DISC1: variants seen among roughly 807,000 people sequenced by gnomAD.
The protein encoded by DISC1 is disrupted in schizophrenia 1 protein.
DISC1 carries 57 observed loss-of-function variants against 84.5 expected under a neutral mutation model. The observed-to-expected ratio is 0.67, with a 90% CI of 0.55 to 0.84. DISC1 has a LOEUF of 0.84. Among genes scored for constraint, DISC1 ranks in the 40% least tolerant of loss-of-function variants. The pLI, the probability that DISC1 is intolerant of heterozygous loss-of-function variation, is 0.00. For synonymous variants in DISC1, 411 were observed against 415.2 expected (o/e 0.99, Z 0.12); for missense variants, 1,000 against 1,057.8 (o/e 0.95, Z 0.76).
chr1:231,767,364 G>A lies in DISC1; in HGVS notation c.1398+95G>A, dbSNP rs2076244392. On this transcript the variant is annotated intron_variant, in intron 5 of 12. Transcript: ENST00000439617. ...GTTGCCTAGGTTGGAGGGCAGTGGT[G>A]CAATCATAGCTCATTGCAGCCTTGA... 4.6e-6 allele frequency: 7 copies of A among 1,522,532 alleles called. No homozygotes were observed. The East Asian group carries it at 7.3e-5, about 16-fold the overall frequency. The allele number at this position is 1,522,532 out of a possible 1,614,324, so 94.3% of individuals were successfully genotyped here. A position where few individuals can be genotyped will look rare whatever the true frequency, so the allele number is the denominator to read the frequency against.
At chr1:231,857,336 A>G (rs1383354790) in intron 9 of DISC1, among the ~76,000 whole-genome samples, 3 of 152,220 alleles carry the variant, frequency 2.0e-5, no homozygotes, top group Admixed American at 1.3e-4. Flanking sequence ...ATGTGTTGAC[A>G]TGGATAGCCT....
At chr1:231,735,886 C>G (rs2072422161) in intron 3 of DISC1, among the ~76,000 whole-genome samples, 2 of 152,282 alleles carry the variant, frequency 1.3e-5, no homozygotes, top group Middle Eastern at 3.4e-3. Context: ...GATATCGGCT[C>G]ACTGCAACCT....
At chr1:232,006,487 C>T (rs1339181682) in intron 10 of DISC1, among the ~76,000 whole-genome samples, 2 of 152,100 alleles carry the variant, frequency 1.3e-5, no homozygotes, top group Non-Finnish European at 2.9e-5. Context: ...CCCTAGAGAT[C>T]TCGGGAACTT....
chr1:231,923,028 A>G (rs1215165549), intron 9 of DISC1, among the ~76,000 whole-genome samples: 2 of 152,156 alleles, frequency 1.3e-5, no homozygotes, highest in East Asian at 3.9e-4. Flanking sequence ...CTGCAATCCC[A>G]GCACTGTGGG....
chr1:231,807,822 G>A (rs1300553494), intron 8 of DISC1, among the ~76,000 whole-genome samples: 1 of 152,114 alleles, frequency 6.6e-6, no homozygotes, highest in Non-Finnish European at 1.5e-5. Flanking sequence ...TGCTATTTTG[G>A]CACAAGATGA....
rs750705010 is a variant in DISC1, at chr1:231,694,102, C to T, written c.344C>T (p.Ser115Leu). The T allele has an allele frequency of 1.4e-5, 23 of 1,614,046 alleles. No individual in the cohort carries two copies. Among genetic ancestry groups the T allele is most frequent in the African/African-American group, 4.0e-5 (3 of 74,918 alleles). ...ACTGTGACCTCTGTGAGAGGAACCTCGGCGCACTTTGGGATTCAGCTCAGA... is the reference window on the plus strand; with the variant it reads ...ACTGTGACCTCTGTGAGAGGAACCTTGGCGCACTTTGGGATTCAGCTCAGA... ...APTVTSVRGT[S>L]AHFGIQLRGG... Residue 115 changes from serine (S) to leucine (L), a missense_variant, in exon 2 of 13, where the codon TCG becomes TTG. Coordinates refer to ENST00000439617, the MANE Select transcript of DISC1 (RefSeq NM_018662.3).
intron 1 of DISC1, among the ~76,000 whole-genome samples, chr1:231,677,586 T>C (rs1394366787): frequency 6.6e-6 from 1 of 152,256 alleles, no homozygotes; most frequent in Non-Finnish European, 1.5e-5. Context: ...CCTTTCAGGG[T>C]ATGGGGATTA....
intron 2 of DISC1, among the ~76,000 whole-genome samples, chr1:231,699,104 T>C (rs185662843): frequency 3.3e-4 from 50 of 152,192 alleles, no homozygotes; most frequent in African/African-American, 1.1e-3. Context: ...GAACATATGA[T>C]CCCCTTAGTC....
intron 1 of DISC1, among the ~76,000 whole-genome samples, chr1:231,692,936 A>G (rs950938324): frequency 6.6e-6 from 1 of 152,248 alleles, no homozygotes; most frequent in African/African-American, 2.4e-5. Flanking sequence ...TATGCAATCT[A>G]AAAATAATAA....
chr1:231,825,798 C>T (rs184144153), intron 9 of DISC1, among the ~76,000 whole-genome samples: 32 of 152,220 alleles, frequency 2.1e-4, no homozygotes, highest in African/African-American at 6.0e-4. Context: ...ATCATTAGAA[C>T]TTGCCTGGAA....
chr1:231,769,742 T>TA (rs2076414530), intron 5 of DISC1, among the ~76,000 whole-genome samples: 2 of 152,300 alleles, frequency 1.3e-5, no homozygotes, highest in Non-Finnish European at 2.9e-5. Flanking sequence ...ACTCTACACT[T>TA]AAAAATGCTC....
chr1:231,863,918 G>A (rs1286636860), intron 9 of DISC1, among the ~76,000 whole-genome samples: 1 of 151,988 alleles, frequency 6.6e-6, no homozygotes, highest in Non-Finnish European at 1.5e-5. Flanking sequence ...TTTTCTTGGA[G>A]GAAATCACTG....
At chr1:231,638,365 G>T (rs2059363505) in intron 1 of DISC1, among the ~76,000 whole-genome samples, 1 of 151,998 alleles carries the variant, frequency 6.6e-6, no homozygotes, top group Admixed American at 6.6e-5. Context: ...TTTTGTTGTT[G>T]TTGTTGTTGC....
chr1:231,926,447 T>C (rs2090363630), intron 9 of DISC1, among the ~76,000 whole-genome samples: 1 of 152,228 alleles, frequency 6.6e-6, no homozygotes, highest in Admixed American at 6.5e-5. Context: ...ACAAAGGCTC[T>C]TCCCAGAAGC....
intron 4 of DISC1, 95 bp from the exon 5 acceptor site, chr1:231,767,045 G>A: frequency 6.5e-7 from 1 of 1,538,992 alleles, no homozygotes; most frequent in Non-Finnish European, 8.9e-7. Flanking sequence ...AACAGATGGG[G>A]GCCACTTGCT....
chr1:231,760,134 A>G (rs1173582021), intron 4 of DISC1, among the ~76,000 whole-genome samples: 1 of 152,200 alleles, frequency 6.6e-6, no homozygotes, highest in African/African-American at 2.4e-5. Flanking sequence ...CAGTTTCCTG[A>G]GGAATGTGAC....
intron 1 of DISC1, among the ~76,000 whole-genome samples, chr1:231,679,870 A>T (rs778386578): frequency 6.6e-6 from 1 of 152,208 alleles, no homozygotes; most frequent in Non-Finnish European, 1.5e-5. Flanking sequence ...CATCAACTCC[A>T]AATGCTAATG....
chr1:232,000,803 A>C (rs1489741646), intron 10 of DISC1, among the ~76,000 whole-genome samples: 1 of 152,224 alleles, frequency 6.6e-6, no homozygotes, highest in African/African-American at 2.4e-5. Flanking sequence ...ATGATAATAG[A>C]AAAGAACTGT....
At chr1:231,806,317 A>G (rs2079705318) in intron 8 of DISC1, among the ~76,000 whole-genome samples, 1 of 152,214 alleles carries the variant, frequency 6.6e-6, no homozygotes, top group Admixed American at 6.5e-5. Flanking sequence ...GGTGGCATCC[A>G]TACCTCTTAA....
Sources: gnomAD v4.1 joint callset for allele counts (sites outside exome capture counted in the v4.1 genomes callset) on GRCh38, gnomAD v4.1.1 for gene constraint, MANE v1.5 for transcripts, NCBI Gene and HGNC (gene_info 2026-07-23, HGNC 2026-07-21) for gene names.